Variants in SLC14A2 observed in about 807,000 individuals in gnomAD.
SLC14A2 encodes the protein solute carrier family 14 member 2.
In SLC14A2, 91 loss-of-function variants were observed where a neutral mutation model predicts 104.6. The ratio of observed to expected loss-of-function variants is 0.87; its 90% CI spans 0.73 to 1.04. The LOEUF is 1.04. SLC14A2 is among the 50% of genes least tolerant of loss of function. SLC14A2 has a pLI of 0.00. For synonymous variants in SLC14A2, 476 were observed against 466.4 expected (o/e 1.02, Z -0.27); for missense variants, 1,189 against 1,156.0 (o/e 1.03, Z -0.41).
chr18:45,601,819 T>C (rs1025528767), intron 2 of SLC14A2, among the ~76,000 whole-genome samples: 6 of 152,260 alleles, frequency 3.9e-5, no homozygotes, highest in Non-Finnish European at 8.8e-5. Flanking sequence ...CCTCAATCTT[T>C]AAGTCTTTTC....
chr18:45,345,696 T>C (rs1350863178), intron 1 of SLC14A2, among the ~76,000 whole-genome samples: 1 of 152,226 alleles, frequency 6.6e-6, no homozygotes, highest in African/African-American at 2.4e-5. Flanking sequence ...TCTGGATAAA[T>C]AAATTTATCC....
At chr18:45,181,015 C>G in the SLC14A2 span, 1 of 152,314 alleles carries the variant, frequency 6.6e-6, no homozygotes, top group African/African-American at 2.4e-5. Context: ...TATGCTGCAC[C>G]ACTGTGGGCC....
intron 1 of SLC14A2, among the ~76,000 whole-genome samples, chr18:45,414,760 ATAT>A (rs1568190186): frequency 0.11 from 5,986 of 54,540 alleles, 354 homozygotes; most frequent in Non-Finnish European, 0.14. Context: ...AAAAAAAAAT[ATAT>A]ATATATATAT....
intron 1 of SLC14A2, among the ~76,000 whole-genome samples, chr18:45,372,244 G>A (rs375805719): frequency 1.8e-4 from 27 of 151,970 alleles, no homozygotes; most frequent in African/African-American, 5.1e-4. Flanking sequence ...CCCAGGAGGC[G>A]GAGGTTGCAG....
chr18:45,465,609 T>C (rs1404889825), intron 1 of SLC14A2, among the ~76,000 whole-genome samples: 1 of 151,958 alleles, frequency 6.6e-6, no homozygotes, highest in East Asian at 1.9e-4. Flanking sequence ...TCCATCCTTC[T>C]CCTCCTCCCT....
intron 2 of SLC14A2, among the ~76,000 whole-genome samples, chr18:45,566,721 G>A (rs1227007660): frequency 6.6e-6 from 1 of 152,170 alleles, no homozygotes; most frequent in South Asian, 2.1e-4. Flanking sequence ...ATATTTCAGT[G>A]TATTAAAGGA....
intron 1 of SLC14A2, among the ~76,000 whole-genome samples, chr18:45,261,144 C>T (rs1051431338): frequency 1.3e-5 from 2 of 151,568 alleles, no homozygotes; most frequent in African/African-American, 4.9e-5. Context: ...GGTATATCTC[C>T]TAATGATATT....
the SLC14A2 span, among the ~76,000 whole-genome samples, chr18:45,168,393 C>G: frequency 2.0e-5 from 3 of 152,176 alleles, no homozygotes; most frequent in Non-Finnish European, 4.4e-5. Flanking sequence ...GGCTGAACCT[C>G]ATACTCATTT....
chr18:45,668,613 C>A (rs9304319), intron 15 of SLC14A2, 136 bp downstream of exon 15: 724,271 of 924,700 alleles, frequency 0.78, 288,596 homozygotes, highest in Non-Finnish European at 0.83. Context: ...GTCCACTGGA[C>A]TAATAACTAA....
intron 2 of SLC14A2, among the ~76,000 whole-genome samples, chr18:45,590,152 G>A (rs933043283): frequency 1.3e-5 from 2 of 152,176 alleles, no homozygotes; most frequent in Admixed American, 6.5e-5. Context: ...AAGGCAGAGA[G>A]AGAAAGAGGG....
intron 1 of SLC14A2, among the ~76,000 whole-genome samples, chr18:45,291,398 A>C (rs2144167378): frequency 6.6e-6 from 1 of 152,340 alleles, no homozygotes; most frequent in Middle Eastern, 3.4e-3. Context: ...TATTGGGAAC[A>C]GAACATGCCT....
intron 2 of SLC14A2, among the ~76,000 whole-genome samples, chr18:45,580,043 T>C (rs754718794): frequency 5.3e-5 from 8 of 152,076 alleles, no homozygotes; most frequent in Non-Finnish European, 8.8e-5. Context: ...GGGATATTGA[T>C]GTTGGGGAAA....
chr18:45,290,220 A>G (rs775859666), intron 1 of SLC14A2, among the ~76,000 whole-genome samples: 3 of 152,126 alleles, frequency 2.0e-5, no homozygotes, highest in Non-Finnish European at 4.4e-5. Flanking sequence ...GGTAATGAAT[A>G]TGGTACCCAA....
the SLC14A2 span, among the ~76,000 whole-genome samples, chr18:45,192,756 A>C: frequency 6.6e-6 from 1 of 152,036 alleles, no homozygotes; most frequent in Non-Finnish European, 1.5e-5. Flanking sequence ...TCCCAGGTTC[A>C]AGCAATTCTC....
chr18:45,442,512 T>C (rs1364220126), intron 1 of SLC14A2, among the ~76,000 whole-genome samples: 6 of 152,222 alleles, frequency 3.9e-5, no homozygotes, highest in Non-Finnish European at 7.3e-5. Flanking sequence ...CCTTTGTGTA[T>C]GTCTCTATAT....
chr18:45,622,277 T>C (rs958275016), intron 1 of SLC14A2, among the ~76,000 whole-genome samples: 6 of 152,062 alleles, frequency 3.9e-5, no homozygotes, highest in Non-Finnish European at 5.9e-5. Context: ...AGAGACAGAA[T>C]TGTTAAATTT....
chr18:45,546,202 TAAAC>T (rs1321758891), intron 2 of SLC14A2, among the ~76,000 whole-genome samples: 1 of 152,236 alleles, frequency 6.6e-6, no homozygotes, highest in Non-Finnish European at 1.5e-5. Flanking sequence ...TGCTATTCAA[TAAAC>T]AAAGAGGAGC....
chr18:45,483,776 A>T (rs929054427), intron 2 of SLC14A2, among the ~76,000 whole-genome samples: 12 of 152,182 alleles, frequency 7.9e-5, no homozygotes, highest in African/African-American at 1.2e-4. Flanking sequence ...TCCTAGCAAT[A>T]TAAAGTTTAT....
intron 1 of SLC14A2, among the ~76,000 whole-genome samples, chr18:45,479,239 A>G (rs756162586): frequency 3.9e-5 from 6 of 152,198 alleles, no homozygotes; most frequent in South Asian, 2.1e-4. Flanking sequence ...GTATATCCCA[A>G]TTTTCCTCCC....
Sources: gnomAD v4.1 joint callset for allele counts (sites outside exome capture counted in the v4.1 genomes callset) on GRCh38, gnomAD v4.1.1 for gene constraint, MANE v1.5 for transcripts, NCBI Gene and HGNC (gene_info 2026-07-23, HGNC 2026-07-21) for gene names.